Variants in PTPRZ1 observed in about 807,000 individuals in gnomAD.
PTPRZ1 encodes the protein receptor-type tyrosine-protein phosphatase zeta.
PTPRZ1 carries 82 observed loss-of-function variants against 214.1 expected under a neutral mutation model. The observed-to-expected ratio is 0.38, with a 90% CI of 0.32 to 0.46. The LOEUF is 0.46. PTPRZ1 is among the 20% of genes least tolerant of loss of function. PTPRZ1 has a pLI of 1.00. For synonymous variants in PTPRZ1, 945 were observed against 987.9 expected, an observed-to-expected ratio of 0.96 and a Z score of 0.81; for missense variants, 2,603 against 2,748.7, an observed-to-expected ratio of 0.95 and a Z score of 1.19.
At chr7:121,963,841 C>A (rs1231267271) in intron 2 of PTPRZ1, among the ~76,000 whole-genome samples, 3 of 152,028 alleles carry the variant, frequency 2.0e-5, no homozygotes, top group African/African-American at 7.2e-5. Context: ...TCACTATGAT[C>A]TAGTAGGTGA....
Position 122,042,746 on chromosome 7 carries a change from A to G in PTPRZ1, c.5937+3A>G, listed in dbSNP as rs529226659. On this transcript the variant is annotated splice_donor_region_variant and intron_variant, in intron 22 of 29. Transcript: ENST00000393386. Reference sequence around the variant, plus strand: ...GAAATTATTTGGTACAAACTGAGGTATGATTTTTAAAAAGATGATTTTATT... The same window carrying G: ...GAAATTATTTGGTACAAACTGAGGTGTGATTTTTAAAAAGATGATTTTATT... The G allele has an allele frequency of 6.2e-7, 1 of 1,608,026 alleles. No homozygotes were observed. Among genetic ancestry groups the G allele is most frequent in the South Asian group, 1.1e-5 (1 of 90,618 alleles).
At chr7:121,876,120 AT>A (rs1794051687) in intron 1 of PTPRZ1, among the ~76,000 whole-genome samples, 1 of 152,242 alleles carries the variant, frequency 6.6e-6, no homozygotes, top group African/African-American at 2.4e-5. Context: ...AAATGTCCTG[AT>A]GTTTTGAACT....
At chr7:122,007,736 C>T (rs1257786896) in intron 11 of PTPRZ1, among the ~76,000 whole-genome samples, 2 of 152,136 alleles carry the variant, frequency 1.3e-5, no homozygotes, top group Non-Finnish European at 2.9e-5. Context: ...CATGGCTTTA[C>T]ACTAACTTTT....
At chr7:121,874,296 T>C (rs545363075) in intron 1 of PTPRZ1, among the ~76,000 whole-genome samples, 1 of 152,320 alleles carries the variant, frequency 6.6e-6, no homozygotes, top group Non-Finnish European at 1.5e-5. Context: ...AAAACTGAAA[T>C]TGCATTCAGC....
chr7:122,039,040 T>A, intron 19 of PTPRZ1, 151 bp downstream of exon 19: 2 of 814,148 alleles, frequency 2.5e-6, no homozygotes, highest in South Asian at 1.9e-5. Context: ...GGGAAACTGT[T>A]AATACTGTTA....
chr7:121,957,511 G>A (rs1162210593), intron 2 of PTPRZ1, among the ~76,000 whole-genome samples: 1 of 152,124 alleles, frequency 6.6e-6, no homozygotes. Context: ...CAGCCTAAAA[G>A]TCCACGATTT....
At chr7:121,895,656 G>A (rs142705141) in intron 1 of PTPRZ1, among the ~76,000 whole-genome samples, 13 of 152,178 alleles carry the variant, frequency 8.5e-5, no homozygotes, top group East Asian at 5.8e-4. Flanking sequence ...TCTCTCATTC[G>A]TAAAGGATCA....
At chr7:122,042,771 T>A in intron 22 of PTPRZ1, 28 bp downstream of exon 22, 1 of 1,589,368 alleles carries the variant, frequency 6.3e-7, no homozygotes, top group Non-Finnish European at 8.6e-7. Flanking sequence ...ATGATTTTAT[T>A]CATCTAAGGT....
chr7:122,059,052 C>A, intron 28 of PTPRZ1, 110 bp downstream of exon 28: 1 of 1,106,078 alleles, frequency 9.0e-7, no homozygotes, highest in Non-Finnish European at 1.2e-6. Context: ...GATGATTCAG[C>A]CATGGTGGAT....
intron 1 of PTPRZ1, among the ~76,000 whole-genome samples, chr7:121,888,130 C>T (rs1468146251): frequency 1.3e-5 from 2 of 151,932 alleles, no homozygotes; most frequent in African/African-American, 4.8e-5. Flanking sequence ...AAACGAGAGA[C>T]AGTGTTTTTT....
At chr7:121,917,919 A>G (rs974675962) in intron 1 of PTPRZ1, among the ~76,000 whole-genome samples, 5 of 152,164 alleles carry the variant, frequency 3.3e-5, no homozygotes, top group African/African-American at 1.2e-4. Context: ...AGCAATAGCA[A>G]GTGGCTTATA....
intron 24 of PTPRZ1, 96 bp from the exon 25 acceptor site, chr7:122,051,770 T>A (rs771742842): frequency 2.2e-5 from 25 of 1,145,240 alleles, no homozygotes; most frequent in Non-Finnish European, 3.0e-5. Context: ...ATATTTTACA[T>A]CTGGCATGGG....
intron 23 of PTPRZ1, 144 bp downstream of exon 23, chr7:122,044,712 G>A (rs1448761952): frequency 1.2e-6 from 1 of 806,116 alleles, no homozygotes; most frequent in Non-Finnish European, 1.9e-6. Context: ...CTTACTGTGG[G>A]CTACAGTGCC....
intron 9 of PTPRZ1, 104 bp from the exon 10 acceptor site, chr7:121,997,776 A>G: frequency 1.1e-6 from 1 of 904,800 alleles, no homozygotes. Context: ...AAATAGAAGT[A>G]TTTTCCACGG....
At chr7:121,929,827 A>AAAATAAAT (rs3069080) in intron 2 of PTPRZ1, among the ~76,000 whole-genome samples, 5 of 145,316 alleles carry the variant, frequency 3.4e-5, no homozygotes, top group Admixed American at 6.9e-5. Context: ...ATAAAAATAA[A>AAAATAAAT]AAATAAATAA....
chr7:121,946,521 T>C (rs2116441042), intron 2 of PTPRZ1, among the ~76,000 whole-genome samples: 1 of 152,096 alleles, frequency 6.6e-6, no homozygotes, highest in African/African-American at 2.4e-5. Context: ...CCCATAGAGC[T>C]CCAATAAACA....
chr7:122,036,208 G>C (rs941926066), intron 17 of PTPRZ1, among the ~76,000 whole-genome samples: 31 of 151,988 alleles, frequency 2.0e-4, no homozygotes, highest in African/African-American at 7.5e-4. Context: ...TTATCTCTTC[G>C]AGAAGCTCTC....
chr7:121,895,271 T>C (rs1216461264), intron 1 of PTPRZ1, among the ~76,000 whole-genome samples: 1 of 152,228 alleles, frequency 6.6e-6, no homozygotes, highest in African/African-American at 2.4e-5. Flanking sequence ...CTTCTAGTAC[T>C]GTTTCCCCTA....
rs1797100259 is a variant in PTPRZ1 at position 121,968,138 on chromosome 7, A to G, written c.304+8A>G. The G allele has an allele frequency of 6.3e-7, 1 of 1,584,702 alleles. No homozygotes were observed. Among genetic ancestry groups the G allele is most frequent in the Non-Finnish European group, 8.6e-7 (1 of 1,167,684 alleles). On this transcript the variant is annotated splice_region_variant and intron_variant, in intron 3 of 29. Coordinates refer to ENST00000393386, the MANE Select transcript of PTPRZ1 (RefSeq NM_002851.3). The stretch of plus-strand genomic sequence containing the variant: ...ATAACACTGGGAAAACAGGTAAAAT[A>G]TTTGCATTCTGTTTGCCTTTAATAT...
Sources: allele counts gnomAD v4.1 joint callset (sites outside exome capture counted in the v4.1 genomes callset), GRCh38; gene constraint gnomAD v4.1.1; transcripts MANE v1.5; gene names NCBI Gene and HGNC (gene_info 2026-07-23, HGNC 2026-07-21).